The following EFCAB6 variants were observed in gnomAD, a reference collection of about 807,000 sequenced individuals.
The protein encoded by EFCAB6 is EF-hand calcium binding domain 6, also known as EF-hand calcium-binding domain-containing protein 6.
EFCAB6 carries 156 observed loss-of-function variants against 169.8 expected under a neutral mutation model. That is an observed-to-expected ratio of 0.92 (90% CI 0.81 to 1.05). The LOEUF (loss-of-function observed/expected upper bound fraction) is 1.05. Ranked by LOEUF, EFCAB6 falls within the 50% of genes least tolerant of loss-of-function variation. The pLI, the probability that EFCAB6 is intolerant of heterozygous loss-of-function variation, is 0.00. For missense variants in EFCAB6, 1,800 were observed against 1,829.1 expected (o/e 0.98, Z 0.29); for synonymous variants, 698 against 676.4 (o/e 1.03, Z -0.50).
intron 13 of EFCAB6, among the ~76,000 whole-genome samples, chr22:43,675,048 GGT>G (rs1385502425): frequency 6.6e-6 from 1 of 151,450 alleles, no homozygotes; most frequent in Non-Finnish European, 1.5e-5. Context: ...ACGGGTACGG[GGT>G]ACAGCCAACA....
intron 13 of EFCAB6, among the ~76,000 whole-genome samples, chr22:43,677,771 G>A (rs565055236): frequency 1.3e-5 from 2 of 152,214 alleles, no homozygotes; most frequent in East Asian, 3.9e-4. Flanking sequence ...CTCTCGTTCA[G>A]GGATGGGTTT....
At chr22:43,620,692 A>G (rs2054058317) in intron 20 of EFCAB6, among the ~76,000 whole-genome samples, 1 of 152,212 alleles carries the variant, frequency 6.6e-6, no homozygotes, top group African/African-American at 2.4e-5. Context: ...GGAAATTATA[A>G]TACACAATTT....
In EFCAB6 at chr22:43,580,583, C is replaced by T. The variant is rs1255330357; in HGVS notation, c.3109G>A (p.Gly1037Arg). 3.7e-6 allele frequency: 6 copies of T among 1,614,034 alleles called. No homozygotes were observed. Among genetic ancestry groups the T allele is most frequent in the Non-Finnish European group, 4.2e-6 (5 of 1,180,026 alleles). ...LRAVENSKST[G>R]AQPKEKEESM... ...TCTTCTTTTTCCTTGGGCTGAGCTC[C>T]TGTTGACTTGCTGTTCTCCACTGCT... is the stretch of plus-strand genomic sequence containing the variant. Residue 1037 changes from glycine to arginine, a missense_variant, in exon 25 of 32, where the codon GGA becomes AGA. By Grantham distance (125) the Gly-to-Arg change is moderately radical. Transcript: ENST00000262726.
intron 17 of EFCAB6, among the ~76,000 whole-genome samples, chr22:43,664,434 A>G (rs2057150099): frequency 6.6e-6 from 1 of 152,256 alleles, no homozygotes; most frequent in East Asian, 1.9e-4. Flanking sequence ...GCAAGCAAAC[A>G]GACAGAATGC....
chr22:43,608,381 C>G, intron 22 of EFCAB6, 101 bp downstream of exon 22: 1 of 950,058 alleles, frequency 1.1e-6, no homozygotes. Flanking sequence ...ATACTCCCAG[C>G]CCCCAGTTAC....
chr22:43,547,964 C>T (rs1201985281), intron 27 of EFCAB6, among the ~76,000 whole-genome samples: 1 of 151,818 alleles, frequency 6.6e-6, no homozygotes, highest in African/African-American at 2.4e-5. Context: ...GATGTGGTGG[C>T]GGGCGCCTAT....
chr22:43,535,026 G>C (rs914257351), intron 29 of EFCAB6, 154 bp from the exon 30 acceptor site: 1 of 735,036 alleles, frequency 1.4e-6, no homozygotes, highest in African/African-American at 1.8e-5. Flanking sequence ...GGACATATGT[G>C]GAGACAGACA....
chr22:43,642,344 A>G (rs751506947), intron 17 of EFCAB6, among the ~76,000 whole-genome samples: 1 of 152,038 alleles, frequency 6.6e-6, no homozygotes, highest in Non-Finnish European at 1.5e-5. Context: ...AATAAGTAAT[A>G]TTATTTTTAT....
intron 10 of EFCAB6, among the ~76,000 whole-genome samples, chr22:43,705,707 C>T (rs1376006877): frequency 6.6e-6 from 1 of 151,848 alleles, no homozygotes; most frequent in Non-Finnish European, 1.5e-5. Context: ...AAAGTGGAAG[C>T]ACAATATACT....
At position 43,683,799 on chromosome 22, in the gene EFCAB6, T is replaced by A; in HGVS notation, c.1199A>T (p.His400Leu). ...KENIITKLFR[H>L]TEDHSASLKK... is the part of the protein sequence containing the mutation. ...CAGTGACGCAGAGTGATCTTCAGTG[T>A]GTCTAAATAACTTTGTGATGATGTT... The change falls in exon 12 of 32, where the codon CAC becomes CTC. Residue 400 changes from histidine to leucine, a missense_variant. Transcript: ENST00000262726. 1 of 1,613,896 alleles carries A rather than the reference T, an allele frequency of 6.2e-7. No homozygotes were observed. The highest frequency in any genetic ancestry group is 1.3e-5 in the African/African-American group (1 of 75,050).
At chr22:43,798,694 C>T (rs1299393786) in intron 2 of EFCAB6, among the ~76,000 whole-genome samples, 1 of 152,194 alleles carries the variant, frequency 6.6e-6, no homozygotes, top group Non-Finnish European at 1.5e-5. Flanking sequence ...GACTGGTGTT[C>T]AGAGGTATTC....
At chr22:43,610,776 A>C (rs2053246372) in intron 21 of EFCAB6, among the ~76,000 whole-genome samples, 1 of 152,244 alleles carries the variant, frequency 6.6e-6, no homozygotes, top group Non-Finnish European at 1.5e-5. Context: ...AGGATTTCAG[A>C]GTCCCTTTAA....
chr22:43,569,414 G>A (rs992626488), intron 26 of EFCAB6, among the ~76,000 whole-genome samples: 1 of 152,220 alleles, frequency 6.6e-6, no homozygotes, highest in Admixed American at 6.5e-5. Context: ...GCAGTGCTAG[G>A]ACCCGTGTAG....
chr22:43,686,375 G>A (rs2058195141), intron 11 of EFCAB6, among the ~76,000 whole-genome samples: 1 of 152,012 alleles, frequency 6.6e-6, no homozygotes, highest in Admixed American at 6.5e-5. Context: ...TGTCTTTTGG[G>A]GTTATGATCA....
chr22:43,674,437 G>A (rs140782659), intron 13 of EFCAB6, among the ~76,000 whole-genome samples: 68 of 152,226 alleles, frequency 4.5e-4, no homozygotes, highest in African/African-American at 1.6e-3. Flanking sequence ...CGCAGGCTCC[G>A]GGGGTGCTGA....
At chr22:43,783,604 T>A (rs2061907067) in intron 2 of EFCAB6, among the ~76,000 whole-genome samples, 1 of 152,184 alleles carries the variant, frequency 6.6e-6, no homozygotes, top group Non-Finnish European at 1.5e-5. Flanking sequence ...AGCTGACCAC[T>A]AAGCTAACCA....
intron 20 of EFCAB6, among the ~76,000 whole-genome samples, chr22:43,625,446 C>A (rs139364564): frequency 5.9e-5 from 9 of 152,294 alleles, no homozygotes; most frequent in African/African-American, 2.2e-4. Flanking sequence ...TCATTCATGT[C>A]GGCTCTCGGC....
At chr22:43,723,297 AC>A (rs1435877616) in intron 8 of EFCAB6, among the ~76,000 whole-genome samples, 3 of 152,184 alleles carry the variant, frequency 2.0e-5, no homozygotes, top group African/African-American at 7.2e-5. Flanking sequence ...AAGCATGGGA[AC>A]AACAGATAAC....
intron 8 of EFCAB6, among the ~76,000 whole-genome samples, chr22:43,730,417 C>T (rs1353168882): frequency 1.3e-5 from 2 of 150,430 alleles, no homozygotes; most frequent in Non-Finnish European, 3.0e-5. Context: ...GGCAATGGAG[C>T]AAAGTCTACG....
Sources: gnomAD v4.1 joint callset for allele counts (sites outside exome capture counted in the v4.1 genomes callset) on GRCh38, gnomAD v4.1.1 for gene constraint, MANE v1.5 for transcripts, NCBI Gene and HGNC (gene_info 2026-07-23, HGNC 2026-07-21) for gene names.